The following ARHGAP6 variants were observed in gnomAD, a reference collection of about 807,000 sequenced individuals.
ARHGAP6 encodes Rho GTPase activating protein 6, also known as rho GTPase-activating protein 6.
A neutral mutation model predicts 55.7 loss-of-function variants in ARHGAP6; 16 were observed. The observed-to-expected ratio is 0.29, with a 90% CI of 0.19 to 0.44. ARHGAP6 has a LOEUF of 0.44. Ranked by LOEUF, ARHGAP6 falls within the 20% of genes least tolerant of loss-of-function variation. The probability of loss-of-function intolerance (pLI) is 1.00; values close to 1 mark genes in which losing one functional copy is unlikely to be tolerated. For missense variants in ARHGAP6, 698 were observed against 808.9 expected (o/e 0.86, Z 1.66); for synonymous variants, 382 against 360.9 (o/e 1.06, Z -0.66).
chrX:11,494,425 A>G (rs2050602853), intron 1 of ARHGAP6, among the ~76,000 whole-genome samples: 1 of 112,659 alleles, frequency 8.9e-6, no homozygotes, highest in African/African-American at 3.2e-5. Context: ...GAGAGATTAC[A>G]GAAGCAAGAT....
At chrX:11,328,242 G>A (rs1371439848) in intron 1 of ARHGAP6, among the ~76,000 whole-genome samples, 1 of 111,963 alleles carries the variant, frequency 8.9e-6, no homozygotes, top group Non-Finnish European at 1.9e-5. Flanking sequence ...TTATTATTCT[G>A]TACAGGAGAT....
At chrX:11,323,865 T>TAAAAAAAA (rs1336822124) in intron 1 of ARHGAP6, among the ~76,000 whole-genome samples, 1 of 38,641 alleles carries the variant, frequency 2.6e-5, no homozygotes, top group Non-Finnish European at 5.1e-5. Context: ...AACCCCCATT[T>TAAAAAAAA]CAAAAAAAAA....
At chrX:11,588,534 A>C (rs1191999279) in intron 1 of ARHGAP6, among the ~76,000 whole-genome samples, 1 of 112,564 alleles carries the variant, frequency 8.9e-6, no homozygotes, top group African/African-American at 3.2e-5. Flanking sequence ...CCATCACCTG[A>C]AAAATGAATA....
At chrX:11,438,768 A>G (rs1004553178) in intron 1 of ARHGAP6, among the ~76,000 whole-genome samples, 1 of 112,916 alleles carries the variant, frequency 8.9e-6, no homozygotes, top group Non-Finnish European at 1.9e-5. Flanking sequence ...GCAGAAAGAC[A>G]GCAAATATTC....
intron 1 of ARHGAP6, among the ~76,000 whole-genome samples, chrX:11,328,923 CATA>C (rs989837327): frequency 1.8e-5 from 2 of 111,816 alleles, no homozygotes; most frequent in African/African-American, 6.5e-5. Context: ...ACTCTTCAGA[CATA>C]ATAACTGAAT....
intron 1 of ARHGAP6, among the ~76,000 whole-genome samples, chrX:11,316,621 A>G (rs2048362205): frequency 8.9e-6 from 1 of 112,351 alleles, no homozygotes; most frequent in South Asian, 3.7e-4. Context: ...GCTGTTAATT[A>G]TAGTAACCAT....
chrX:11,298,591 A>T, intron 1 of ARHGAP6: 4 of 1,210,931 alleles, frequency 3.3e-6, no homozygotes, highest in Non-Finnish European at 4.5e-6. Context: ...TGGCTGCACC[A>T]CCAAATCATC....
chrX:11,476,659 G>C (rs745582873), intron 1 of ARHGAP6, among the ~76,000 whole-genome samples: 2 of 111,184 alleles, frequency 1.8e-5, no homozygotes, highest in South Asian at 3.7e-4. Flanking sequence ...GGACAGAATA[G>C]AGAATCCACA....
chrX:11,250,636 G>A (rs1271385110), intron 2 of ARHGAP6, among the ~76,000 whole-genome samples: 1 of 111,003 alleles, frequency 9.0e-6, no homozygotes, highest in African/African-American at 3.3e-5. Context: ...CTCCATCTTT[G>A]AAGCCGGCAA....
intron 1 of ARHGAP6, among the ~76,000 whole-genome samples, chrX:11,284,591 T>C (rs2047898199): frequency 8.9e-6 from 1 of 111,893 alleles, no homozygotes; most frequent in Non-Finnish European, 1.9e-5. Flanking sequence ...AATCCATAGA[T>C]GTATTTCCCC....
At chrX:11,387,944 A>T (rs1261252588) in intron 1 of ARHGAP6, among the ~76,000 whole-genome samples, 1 of 112,101 alleles carries the variant, frequency 8.9e-6, no homozygotes, top group Non-Finnish European at 1.9e-5. Flanking sequence ...TTCTTAATCC[A>T]GTCTATCATT....
chrX:11,389,190 T>C (rs1462660127), intron 1 of ARHGAP6, among the ~76,000 whole-genome samples: 1 of 111,753 alleles, frequency 8.9e-6, no homozygotes, highest in Admixed American at 9.5e-5. Context: ...AATTATCCAG[T>C]CCAAAATATC....
intron 1 of ARHGAP6, chrX:11,299,112 C>A: frequency 1.2e-6 from 1 of 808,183 alleles, no homozygotes; most frequent in Non-Finnish European, 1.8e-6. Flanking sequence ...TTAGTCCAAG[C>A]AATATGCTAT....
chrX:11,143,685 G>GA, intron 11 of ARHGAP6: 1 of 1,042,764 alleles, frequency 9.6e-7, no homozygotes, highest in Non-Finnish European at 1.2e-6. Flanking sequence ...ATGCTGGAGG[G>GA]AAAAAGAATC....
At chrX:11,587,025 A>T (rs900023547) in intron 1 of ARHGAP6, among the ~76,000 whole-genome samples, 1 of 111,787 alleles carries the variant, frequency 8.9e-6, no homozygotes, top group Admixed American at 9.5e-5. Flanking sequence ...TTGATTTTGT[A>T]TCTTGAGACT....
chrX:11,225,679 A>G, intron 2 of ARHGAP6: 1 of 641,112 alleles, frequency 1.6e-6, no homozygotes, highest in Non-Finnish European at 2.4e-6. Context: ...AGAATATTTC[A>G]AGAGCAACAA....
At chrX:11,242,731 A>G (rs2047300448) in intron 2 of ARHGAP6, among the ~76,000 whole-genome samples, 1 of 111,826 alleles carries the variant, frequency 8.9e-6, no homozygotes, top group Non-Finnish European at 1.9e-5. Flanking sequence ...AGGCAGGAGA[A>G]CAAAAATACA....
At position 11,551,207 on chromosome X, in the gene ARHGAP6, C is replaced by A. The variant is rs774956755; in HGVS notation, c.588+113034G>T. Among the ~76,000 whole-genome samples, 4 of 111,317 alleles carry A rather than the reference C, an allele frequency of 3.6e-5. No individual in the cohort carries two copies. The South Asian group carries it at 1.1e-3, about 32-fold the overall frequency. On this transcript the variant is annotated intron_variant, in intron 1 of 12. Transcript: ENST00000337414. ...CTTTGCCATAATGGGTAGGCAGGCT[C>A]ATGAAATGAAATGAAGAGTCTGAGG...
intron 1 of ARHGAP6, among the ~76,000 whole-genome samples, chrX:11,514,040 T>C (rs1023113013): frequency 1.9e-5 from 2 of 108,099 alleles, no homozygotes; most frequent in Admixed American, 2.0e-4. Flanking sequence ...CACATGCCTG[T>C]AGTCCCAGCT....
Sources: allele counts gnomAD v4.1 joint callset (sites outside exome capture counted in the v4.1 genomes callset), GRCh38; gene constraint gnomAD v4.1.1; transcripts MANE v1.5; gene names NCBI Gene and HGNC (gene_info 2026-07-23, HGNC 2026-07-21).